Variants in AP5Z1 observed in about 807,000 individuals in gnomAD.
AP5Z1 encodes AP-5 complex subunit zeta-1.
AP5Z1 carries 106 observed loss-of-function variants against 83.0 expected under a neutral mutation model. That is an observed-to-expected ratio of 1.28 (90% CI 1.09 to 1.50). The LOEUF is 1.50. AP5Z1 is among the 40% of genes most tolerant of loss of function. AP5Z1 has a pLI of 0.00. For synonymous variants in AP5Z1, 751 were observed against 514.1 expected (o/e 1.46, Z -6.23); for missense variants, 1,565 against 1,094.2 (o/e 1.43, Z -6.07).
chr7:4,785,884 G>T (rs560873136), intron 9 of AP5Z1, among the ~76,000 whole-genome samples, 200 bp downstream of exon 9: 37 of 151,890 alleles, frequency 2.4e-4, no homozygotes, highest in Non-Finnish European at 4.9e-4. Context: ...TGGGATTACG[G>T]GCATGAGCCA....
intron 1 of AP5Z1, among the ~76,000 whole-genome samples, chr7:4,780,839 TTCTAGAGTAAA>T (rs1290617077): frequency 6.6e-6 from 1 of 152,234 alleles, no homozygotes; most frequent in Non-Finnish European, 1.5e-5. Context: ...AGGCACCTTA[TTCTAGAGTAAA>T]TTTCCTACTC....
At position 4,792,136 on chromosome 7, in the gene AP5Z1, C is replaced by T. The variant is rs945020138; in HGVS notation, c.*751C>T. 1.3e-5 allele frequency: 2 copies of T among 152,234 alleles called. No individual in the cohort carries two copies. The highest frequency in any genetic ancestry group is 4.8e-5 in the African/African-American group (2 of 41,448). 9.4% of individuals were successfully genotyped at this position (152,234 alleles called of 1,614,324 possible). On this transcript the variant is annotated 3_prime_UTR_variant, in exon 17 of 17. Coordinates refer to ENST00000649063, the MANE Select transcript of AP5Z1 (RefSeq NM_014855.3). ...CTGGATTCGCGCGAAGGGGAGGTGT[C>T]TGGGCGTGCGGCCCCAGCCCCGCCA...
At chr7:4,780,579 A>T (rs1467944343) in intron 1 of AP5Z1, among the ~76,000 whole-genome samples, 1 of 152,194 alleles carries the variant, frequency 6.6e-6, no homozygotes, top group African/African-American at 2.4e-5. Flanking sequence ...CCTGGCCAAC[A>T]TGGTGAAACC....
chr7:4,783,729 G>C lies in AP5Z1; in HGVS notation c.552G>C (p.Leu184=). The change falls in exon 5 of 17, where the codon CTG becomes CTC. Residue 184 remains leucine, a synonymous_variant. Coordinates refer to ENST00000649063, the MANE Select transcript of AP5Z1 (RefSeq NM_014855.3). The stretch of plus-strand genomic sequence containing the variant: ...TCAGCAAGCGGCTGGTCGACTGGCT[G>C]CGCTACGCCAGCCTCCAGCAAGGGC... The part of the protein sequence containing the change: ...TLLSKRLVDW[L]RYASLQQGLP... The C allele has an allele frequency of 6.4e-7, 1 of 1,550,632 alleles. No homozygotes were observed. The highest frequency in any genetic ancestry group is 2.4e-5 in the East Asian group (1 of 40,912).
intron 10 of AP5Z1, among the ~76,000 whole-genome samples, chr7:4,787,329 A>G (rs1020783816): frequency 6.6e-6 from 1 of 151,972 alleles, no homozygotes; most frequent in Non-Finnish European, 1.5e-5. Context: ...CTTGTCTACA[A>G]AAAGTAAACA....
At position 4,784,241 on chromosome 7, in the gene AP5Z1, A is replaced by G. The variant is rs756140557; in HGVS notation, c.660A>G (p.Thr220=). ...CCGAGGTGGACGGGGCGGTAGCCAC[A>G]GACTTCTTCACGGTGCTCTCCAGCG... ...PVTEVDGAVA[T]DFFTVLSSGH... is the part of the protein sequence containing the mutation. The change falls in exon 6 of 17, where the codon ACA becomes ACG. Residue 220 remains threonine, a synonymous_variant. Coordinates refer to ENST00000649063, the MANE Select transcript of AP5Z1 (RefSeq NM_014855.3). 8.3e-5 allele frequency: 131 copies of G among 1,584,582 alleles called. 1 individual carries two copies. In the Middle Eastern group the frequency reaches 2.2e-3, roughly 26 times the overall value.
At chr7:4,778,531 G>A (rs931161150) in intron 1 of AP5Z1, among the ~76,000 whole-genome samples, 2 of 151,940 alleles carry the variant, frequency 1.3e-5, no homozygotes, top group Admixed American at 6.6e-5. Context: ...AGGCGGGGCC[G>A]GGCTCTTGGA....
rs931107995 is a variant in AP5Z1 at position 4,778,785 on chromosome 7, TATATA to T, written c.42-2382_42-2378del. ...TATATATTACATATATATTTAGTAA[TATATA>T]ATATAATTATATGTTATATATTATA... On this transcript the variant is annotated intron_variant, in intron 1 of 16. Transcript: ENST00000649063. Among the ~76,000 whole-genome samples the T allele has an allele frequency of 2.5e-3, 370 of 146,448 alleles. 1 individual carries two copies. Among genetic ancestry groups the T allele is most frequent in the African/African-American group, 8.0e-3 (322 of 40,306 alleles).
intron 2 of AP5Z1, 78 bp from the exon 3 acceptor site, chr7:4,781,490 C>T: frequency 6.4e-7 from 1 of 1,556,506 alleles, no homozygotes; most frequent in East Asian, 2.3e-5. Flanking sequence ...GGGTGCCCGG[C>T]CAGGTGCTCT....
intron 6 of AP5Z1, 136 bp downstream of exon 6, chr7:4,784,507 C>G: frequency 1.8e-6 from 2 of 1,105,124 alleles, no homozygotes; most frequent in Non-Finnish European, 2.5e-6. Context: ...CTGAGCAACG[C>G]AGCCTGCTGA....
Position 4,784,394 on chromosome 7 carries a change from G to A in AP5Z1, c.790+23G>A, listed in dbSNP as rs554091903. 45 of 1,533,662 alleles carry A rather than the reference G, an allele frequency of 2.9e-5. No individual in the cohort carries two copies. In the Admixed American group the frequency reaches 3.6e-4, roughly 12 times the overall value. ...CAGGTGTGCGGGGTGGGGGGATGAC[G>A]TCAGACAGGGGTGGGAGGTGGGCGC... On this transcript the variant is annotated intron_variant, in intron 6 of 16. Transcript: ENST00000649063.
At position 4,775,721 on chromosome 7, in the gene AP5Z1, C is replaced by T. The variant is rs1781206446; in HGVS notation, c.6C>T (p.Phe2=). 8.1e-6 allele frequency: 13 copies of T among 1,606,776 alleles called. No homozygotes were observed. The highest frequency in any genetic ancestry group is 1.0e-5 in the Non-Finnish European group (12 of 1,179,716). Residue 2 remains phenylalanine, a synonymous_variant, in exon 1 of 17, where the codon TTC becomes TTT. Coordinates refer to ENST00000649063, the MANE Select transcript of AP5Z1 (RefSeq NM_014855.3). M[F]SAGAESLLHQ... ...CGTCTGGTGGCGGCGGCGTGATGTT[C>T]TCGGCAGGAGCGGAGAGTTTGCTCC... is the stretch of plus-strand genomic sequence containing the variant.
Position 4,791,445 on chromosome 7 carries a change from G to A in AP5Z1, c.*60G>A. On this transcript the variant is annotated 3_prime_UTR_variant, in exon 17 of 17. Transcript: ENST00000649063. Reference sequence around the variant, plus strand: ...GAGCCTGGGCAGCCAGCTTGCTACTGAGGCCAGGCTGATAGGAGCTCAGGA... The same window carrying A: ...GAGCCTGGGCAGCCAGCTTGCTACTAAGGCCAGGCTGATAGGAGCTCAGGA... 2 of 1,525,254 alleles carry A rather than the reference G, an allele frequency of 1.3e-6. No homozygotes were observed. The allele number at this position is 1,525,254 out of a possible 1,614,324, so 94.5% of individuals were successfully genotyped here. A position where few individuals can be genotyped will look rare whatever the true frequency, so the allele number is the denominator to read the frequency against.
At chr7:4,775,825 C>T (rs1781209737) in intron 1 of AP5Z1, 69 bp downstream of exon 1, 2 of 1,571,502 alleles carry the variant, frequency 1.3e-6, no homozygotes, top group South Asian at 1.1e-5. Flanking sequence ...GGGTGGGTCT[C>T]ACAGGGCAGG....
At position 4,789,871 on chromosome 7, in the gene AP5Z1, C is replaced by G. The variant is rs1357305804; in HGVS notation, c.1747C>G (p.Leu583Val). The G allele has an allele frequency of 9.0e-6, 14 of 1,553,184 alleles. No individual in the cohort carries two copies. In the African/African-American group the frequency reaches 1.8e-4, roughly 20 times the overall value. The change falls in exon 14 of 17, where the codon CTC (leucine) becomes GTC (valine). Residue 583 changes from leucine (L) to valine (V), a missense_variant. By Grantham distance (32) the Leu-to-Val change is conservative (BLOSUM62 1). Coordinates refer to ENST00000649063, the MANE Select transcript of AP5Z1 (RefSeq NM_014855.3). ...GSLINQLALL[L>V]LGRSDSLYPA... ...CCTGATCAACCAGCTGGCGCTGCTGCTCCTGGGCAGGAGCGACTCGCTCTA... is the reference window on the plus strand; with the variant it reads ...CCTGATCAACCAGCTGGCGCTGCTGGTCCTGGGCAGGAGCGACTCGCTCTA...
Position 4,775,680 on chromosome 7 carries a change from T to G in AP5Z1, c.-36T>G. On this transcript the variant is annotated 5_prime_UTR_variant, in exon 1 of 17. Coordinates refer to ENST00000649063, the MANE Select transcript of AP5Z1 (RefSeq NM_014855.3). ...GCTCCTGGGCTGCAGCTCCTGGAGT[T>G]TCCGAGGTTCGTGCGCGTCTGGTGG... 1 of 1,605,918 alleles carries G rather than the reference T, an allele frequency of 6.2e-7. No homozygotes were observed. Among genetic ancestry groups the G allele is most frequent in the Non-Finnish European group, 8.5e-7 (1 of 1,179,594 alleles).
At chr7:4,785,329 C>G in intron 7 of AP5Z1, 86 bp from the exon 8 acceptor site, 1 of 1,532,804 alleles carries the variant, frequency 6.5e-7, no homozygotes, top group Non-Finnish European at 8.8e-7. Context: ...CCGGTCCTGC[C>G]TGGAGCTTCC....
chr7:4,777,932 C>T (rs555817371), intron 1 of AP5Z1, among the ~76,000 whole-genome samples: 79 of 152,298 alleles, frequency 5.2e-4, no homozygotes, highest in African/African-American at 1.9e-3. Context: ...GGTTTGGAGC[C>T]GGCCAGGCGC....
At chr7:4,779,901 C>T (rs1781334840) in intron 1 of AP5Z1, among the ~76,000 whole-genome samples, 2 of 152,100 alleles carry the variant, frequency 1.3e-5, no homozygotes, top group Admixed American at 1.3e-4. Context: ...CCTCGGCCTC[C>T]CAAAATGCTA....
Sources: gnomAD v4.1 joint callset for allele counts (sites outside exome capture counted in the v4.1 genomes callset) on GRCh38, gnomAD v4.1.1 for gene constraint, MANE v1.5 for transcripts, NCBI Gene and HGNC (gene_info 2026-07-23, HGNC 2026-07-21) for gene names.